The following TXNDC11 variants were observed in gnomAD, a reference collection of about 807,000 sequenced individuals.
TXNDC11 encodes the protein thioredoxin domain-containing protein 11.
In TXNDC11, 68 loss-of-function variants were observed where a neutral mutation model predicts 78.0. The ratio of observed to expected loss-of-function variants is 0.87; its 90% CI spans 0.72 to 1.07. TXNDC11 has a LOEUF of 1.07. Among genes scored for constraint, TXNDC11 ranks in the 50% least tolerant of loss-of-function variants. TXNDC11 has a pLI of 0.00. For missense variants in TXNDC11, 1,389 were observed against 1,221.8 expected (o/e 1.14, Z -2.04); for synonymous variants, 571 against 495.2 (o/e 1.15, Z -2.03).
intron 10 of TXNDC11, among the ~76,000 whole-genome samples, chr16:11,687,464 T>A (rs552578849): frequency 5.3e-5 from 8 of 152,342 alleles, no homozygotes; most frequent in African/African-American, 1.9e-4. Flanking sequence ...GTCTTTCCTT[T>A]TAATTTCACA....
intron 1 of TXNDC11, among the ~76,000 whole-genome samples, chr16:11,739,869 C>T (rs2141131681): frequency 6.6e-6 from 1 of 151,892 alleles, no homozygotes; most frequent in South Asian, 2.1e-4. Context: ...TTATTTCAAG[C>T]CTGGAGCTGT....
Position 11,691,098 on chromosome 16 carries a change from A to C in TXNDC11, c.1900+192T>G. 7 of 578,474 alleles carry C rather than the reference A, an allele frequency of 1.2e-5. No homozygotes were observed. The South Asian group carries it at 1.4e-4, about 11-fold the overall frequency. 35.8% of individuals were successfully genotyped at this position (578,474 alleles called of 1,614,324 possible). A position where few individuals can be genotyped will look rare whatever the true frequency, so the allele number is the denominator to read the frequency against. ...ACTTATCCAAAATTCAGAGTGAGGA[A>C]GTTTCTGTTCCATTTAATAGACAAA... On this transcript the variant is annotated intron_variant, in intron 8 of 11. Transcript: ENST00000283033.
At chr16:11,680,930 G>C (rs2050407557) in intron 11 of TXNDC11, among the ~76,000 whole-genome samples, 1 of 152,126 alleles carries the variant, frequency 6.6e-6, no homozygotes, top group African/African-American at 2.4e-5. Context: ...GCTTTGGGAG[G>C]CTGAGGTGGG....
At chr16:11,682,647 T>G (rs956173552) in intron 11 of TXNDC11, among the ~76,000 whole-genome samples, 3 of 152,202 alleles carry the variant, frequency 2.0e-5, no homozygotes, top group African/African-American at 7.2e-5. Context: ...ATTCAAAAAT[T>G]ATACGTCATT....
chr16:11,730,153 G>A (rs2052005412), intron 4 of TXNDC11, among the ~76,000 whole-genome samples: 1 of 152,142 alleles, frequency 6.6e-6, no homozygotes, highest in Non-Finnish European at 1.5e-5. Context: ...CAGGAAAGAA[G>A]CTACATCAGG....
chr16:11,713,281 A>C (rs1282967069), intron 5 of TXNDC11, among the ~76,000 whole-genome samples: 1 of 86,234 alleles, frequency 1.2e-5, no homozygotes, highest in African/African-American at 6.5e-5. Context: ...ACTCTGTCTC[A>C]AAAAAAAAAA....
intron 3 of TXNDC11, among the ~76,000 whole-genome samples, chr16:11,732,360 T>C (rs926026604): frequency 3.3e-5 from 5 of 152,140 alleles, no homozygotes; most frequent in African/African-American, 1.2e-4. Flanking sequence ...CCACTAGGCT[T>C]CCATGCCTTT....
chr16:11,733,193 C>G (rs909792230), intron 3 of TXNDC11, among the ~76,000 whole-genome samples: 3 of 152,114 alleles, frequency 2.0e-5, no homozygotes, highest in South Asian at 4.1e-4. Context: ...GAGGCGGAGG[C>G]TGCAGTGAGC....
Position 11,705,584 on chromosome 16 carries a change from G to T in TXNDC11, c.794-5020C>A, listed in dbSNP as rs562537916. Among the ~76,000 whole-genome samples the T allele has an allele frequency of 4.9e-4, 74 of 152,308 alleles. 1 individual carries two copies. The highest frequency in any genetic ancestry group is 4.8e-3 in the South Asian group (23 of 4,824). On this transcript the variant is annotated intron_variant, in intron 5 of 11. Coordinates refer to ENST00000283033, the MANE Select transcript of TXNDC11 (RefSeq NM_015914.7). ...ATTTATTAGAGCAGAGAAATAAGAA[G>T]TGACAGCCTGACCCAAAAGTTAAAA...
chr16:11,710,197 A>G (rs2051307933), intron 5 of TXNDC11, among the ~76,000 whole-genome samples: 1 of 77,968 alleles, frequency 1.3e-5, no homozygotes, highest in Non-Finnish European at 3.4e-5. Context: ...CACTTCAATT[A>G]ATTTTTTTTT....
rs139562120 is a variant in TXNDC11 at position 11,713,990 on chromosome 16, T to C, written c.793+7587A>G. On this transcript the variant is annotated intron_variant, in intron 5 of 11. Coordinates refer to ENST00000283033, the MANE Select transcript of TXNDC11 (RefSeq NM_015914.7). Reference sequence around the variant, plus strand: ...GCCATCCTTGCTTGTCAGTCCCTTGTTTTTTCAATGCCTTTTAAAATGTCC... The same window carrying C: ...GCCATCCTTGCTTGTCAGTCCCTTGCTTTTTCAATGCCTTTTAAAATGTCC... 4.1e-3 allele frequency among the ~76,000 whole-genome samples: 624 copies of C among 152,174 alleles called. 4 individuals are homozygous for C. Among genetic ancestry groups the C allele is most frequent in the African/African-American group, 0.014 (589 of 41,506 alleles).
At chr16:11,722,888 T>A (rs2051753291) in intron 4 of TXNDC11, among the ~76,000 whole-genome samples, 1 of 152,214 alleles carries the variant, frequency 6.6e-6, no homozygotes, top group Non-Finnish European at 1.5e-5. Context: ...GAATATACTA[T>A]CTTTCCAATC....
intron 5 of TXNDC11, among the ~76,000 whole-genome samples, chr16:11,704,438 T>C (rs1475386887): frequency 6.6e-6 from 1 of 152,218 alleles, no homozygotes; most frequent in Non-Finnish European, 1.5e-5. Context: ...TAGTGTCAAA[T>C]GATCTTCCCC....
chr16:11,685,609 T>G (rs1340013477), intron 10 of TXNDC11, among the ~76,000 whole-genome samples: 2 of 141,778 alleles, frequency 1.4e-5, no homozygotes, highest in African/African-American at 5.3e-5. Context: ...AGATTGCACC[T>G]CTGCACTCCA....
At chr16:11,687,341 G>C (rs906258685) in intron 10 of TXNDC11, among the ~76,000 whole-genome samples, 7 of 151,464 alleles carry the variant, frequency 4.6e-5, no homozygotes, top group African/African-American at 1.5e-4. Flanking sequence ...CCCATCTAAA[G>C]ACTCTGTATT....
intron 5 of TXNDC11, among the ~76,000 whole-genome samples, chr16:11,709,783 T>C (rs552795597): frequency 6.6e-6 from 1 of 152,252 alleles, no homozygotes; most frequent in Non-Finnish European, 1.5e-5. Context: ...AAGAGAAATG[T>C]AGTTCCAAGT....
chr16:11,728,234 C>T (rs2051942406), intron 4 of TXNDC11, among the ~76,000 whole-genome samples: 1 of 152,176 alleles, frequency 6.6e-6, no homozygotes. Flanking sequence ...GAAACTGATA[C>T]ATTTTCTAGG....
At chr16:11,715,462 CA>C (rs34233338) in intron 5 of TXNDC11, among the ~76,000 whole-genome samples, 65,800 of 134,728 alleles carry the variant, frequency 0.49, 15,534 homozygotes, top group East Asian at 0.65. Context: ...CCTGTCACGG[CA>C]AAAAAAAAAA....
intron 5 of TXNDC11, among the ~76,000 whole-genome samples, chr16:11,701,279 G>GGC (rs2051015250): frequency 6.6e-6 from 1 of 151,696 alleles, no homozygotes; most frequent in Non-Finnish European, 1.5e-5. Flanking sequence ...TGCAATTACA[G>GGC]GCGTGTGCCA....
Sources: allele counts gnomAD v4.1 joint callset (sites outside exome capture counted in the v4.1 genomes callset), GRCh38; gene constraint gnomAD v4.1.1; transcripts MANE v1.5; gene names NCBI Gene and HGNC (gene_info 2026-07-23, HGNC 2026-07-21).